Variants in SOX5 observed in about 807,000 individuals in gnomAD.
SOX5 encodes the protein SRY-box transcription factor 5.
In SOX5, 9 loss-of-function variants were observed where a neutral mutation model predicts 92.0. The observed-to-expected ratio is 0.10, with a 90% CI of 0.06 to 0.17. The LOEUF is 0.17. SOX5 is among the 10% of genes least tolerant of loss of function. The pLI is 1.00. For missense variants in SOX5, 642 were observed against 944.5 expected, an observed-to-expected ratio of 0.68 and a Z score of 4.20; for synonymous variants, 344 against 336.3, an observed-to-expected ratio of 1.02 and a Z score of -0.25.
intron 4 of SOX5, among the ~76,000 whole-genome samples, chr12:23,974,958 A>G (rs1948747304): frequency 6.6e-6 from 1 of 152,180 alleles, no homozygotes; most frequent in South Asian, 2.1e-4. Flanking sequence ...CTGACAAAAA[A>G]GAAACTAAAA....
chr12:24,103,118 C>T (rs914557715), intron 4 of SOX5, among the ~76,000 whole-genome samples: 3 of 152,112 alleles, frequency 2.0e-5, no homozygotes, highest in African/African-American at 7.2e-5. Flanking sequence ...ACTGTTATTG[C>T]AAAGTTCAAA....
intron 6 of SOX5, among the ~76,000 whole-genome samples, chr12:23,694,370 T>TTA (rs2089440859): frequency 6.6e-6 from 1 of 152,184 alleles, no homozygotes; most frequent in African/African-American, 2.4e-5. Context: ...AGGGCTCCAA[T>TTA]TATATATATG....
At chr12:23,898,857 T>G (rs1028054324) in intron 1 of SOX5, among the ~76,000 whole-genome samples, 3 of 152,206 alleles carry the variant, frequency 2.0e-5, no homozygotes, top group Non-Finnish European at 4.4e-5. Flanking sequence ...GGTAAAAGAT[T>G]GCTTAAAGAT....
intron 1 of SOX5, among the ~76,000 whole-genome samples, chr12:24,558,827 G>A (rs1954061908): frequency 6.6e-6 from 1 of 152,092 alleles, no homozygotes; most frequent in Non-Finnish European, 1.5e-5. Context: ...AACTCCCCAA[G>A]CTCCCCCAAA....
chr12:24,277,050 T>C (rs932323079), intron 3 of SOX5, among the ~76,000 whole-genome samples: 1 of 152,112 alleles, frequency 6.6e-6, no homozygotes, highest in African/African-American at 2.4e-5. Flanking sequence ...AAAAAGCCAG[T>C]TGTCATCTGA....
intron 1 of SOX5, among the ~76,000 whole-genome samples, chr12:23,922,561 T>C (rs1034884513): frequency 1.3e-5 from 2 of 152,208 alleles, no homozygotes; most frequent in Non-Finnish European, 2.9e-5. Context: ...TATATTTTGC[T>C]TCATATGCAC....
At chr12:23,734,793 T>C (rs762041187) in intron 5 of SOX5, 41 bp from the exon 6 acceptor site, 4 of 1,525,244 alleles carry the variant, frequency 2.6e-6, no homozygotes, top group Non-Finnish European at 2.7e-6. Flanking sequence ...AAGTATATTG[T>C]AGTCCCGGAG....
At chr12:23,846,847 GCA>G (rs879286277) in intron 2 of SOX5, among the ~76,000 whole-genome samples, 6 of 152,054 alleles carry the variant, frequency 3.9e-5, no homozygotes, top group Admixed American at 2.6e-4. Context: ...GTTACATGAA[GCA>G]CAGTTTGTCA....
At chr12:23,582,111 G>A in intron 9 of SOX5, 1 of 976,242 alleles carries the variant, frequency 1.0e-6, no homozygotes, top group South Asian at 4.7e-5. Context: ...ACCTAAGTAG[G>A]GAAGTTACAT....
chr12:24,328,763 A>G (rs1950978342), intron 2 of SOX5, among the ~76,000 whole-genome samples: 1 of 152,208 alleles, frequency 6.6e-6, no homozygotes, highest in Admixed American at 6.5e-5. Context: ...TATTATTATC[A>G]TCATTACTTT....
chr12:23,861,225 G>C (rs2096754201), intron 2 of SOX5, among the ~76,000 whole-genome samples: 3 of 152,158 alleles, frequency 2.0e-5, no homozygotes, highest in Middle Eastern at 3.4e-3. Context: ...TGTGTGTCCT[G>C]CCTCTAAAAT....
chr12:23,545,822 A>G lies in SOX5; in HGVS notation c.1597+494T>C, dbSNP rs902275228. 5.3e-5 allele frequency among the ~76,000 whole-genome samples: 8 copies of G among 151,782 alleles called. No individual in the cohort carries two copies. In the East Asian group the frequency reaches 9.7e-4, roughly 18 times the overall value. On this transcript the variant is annotated intron_variant, in intron 12 of 14. Transcript: ENST00000451604. ...GAGGCTGAGGTGGGAGGATCACTTG[A>G]GCCCAGGAGTTTGAGACCAGCCTGG... is the stretch of plus-strand genomic sequence containing the variant.
At chr12:23,951,627 CAGG>C (rs767782448), upstream of SOX5, among the ~76,000 whole-genome samples, 63 of 144,526 alleles carry the variant, frequency 4.4e-4, 1 homozygote, top group Middle Eastern at 7.0e-3. Context: ...ATTCTATCAT[CAGG>C]AGATGTTCTA....
intron 11 of SOX5, among the ~76,000 whole-genome samples, chr12:23,555,484 A>G (rs916740263): frequency 3.1e-4 from 43 of 140,860 alleles, no homozygotes; most frequent in African/African-American, 1.1e-3. Context: ...AGTTTACTGG[A>G]AAAAAAAAAA....
chr12:23,817,242 A>C (rs969609756), intron 3 of SOX5, among the ~76,000 whole-genome samples: 2 of 152,310 alleles, frequency 1.3e-5, no homozygotes, highest in East Asian at 3.9e-4. Flanking sequence ...AAGGTTAGGT[A>C]CCCATTATTA....
intron 4 of SOX5, among the ~76,000 whole-genome samples, chr12:24,045,107 C>G (rs1956872593): frequency 6.6e-6 from 1 of 152,084 alleles, no homozygotes; most frequent in South Asian, 2.1e-4. Context: ...TCAAAATATC[C>G]AGCAAAAGCA....
At chr12:23,901,028 A>G (rs576992364) in intron 1 of SOX5, among the ~76,000 whole-genome samples, 1 of 152,336 alleles carries the variant, frequency 6.6e-6, no homozygotes, top group South Asian at 2.1e-4. Flanking sequence ...CCAGGTCTTA[A>G]TACCTTACAT....
chr12:24,431,660 T>C (rs1459345200), intron 1 of SOX5, among the ~76,000 whole-genome samples: 1 of 152,208 alleles, frequency 6.6e-6, no homozygotes, highest in Non-Finnish European at 1.5e-5. Flanking sequence ...TCTCTAGCAC[T>C]ACACATCTTG....
intron 4 of SOX5, among the ~76,000 whole-genome samples, chr12:24,031,597 C>G (rs1463727395): frequency 6.6e-6 from 1 of 151,608 alleles, no homozygotes; most frequent in East Asian, 1.9e-4. Flanking sequence ...TGATTCGAAT[C>G]CTATGTACAC....
Sources: allele counts gnomAD v4.1 joint callset (sites outside exome capture counted in the v4.1 genomes callset), GRCh38; gene constraint gnomAD v4.1.1; transcripts MANE v1.5; gene names NCBI Gene and HGNC (gene_info 2026-07-23, HGNC 2026-07-21).